The following ACTR3C variants were observed in gnomAD, a reference collection of about 807,000 sequenced individuals.
ACTR3C encodes actin related protein 3C.
Under a neutral mutation model 26.3 loss-of-function variants are expected in ACTR3C, and 18 were observed. The observed-to-expected ratio is 0.68, with a 90% CI of 0.47 to 1.01. ACTR3C has a LOEUF of 1.01. Among genes scored for constraint, ACTR3C ranks in the 50% least tolerant of loss-of-function variants. The pLI is 0.00. For missense variants in ACTR3C, 184 were observed against 250.7 expected, an observed-to-expected ratio of 0.73 and a Z score of 1.80; for synonymous variants, 55 against 94.5, an observed-to-expected ratio of 0.58 and a Z score of 2.42.
At chr7:150,040,798 C>T in the ACTR3C span, 77 of 146,662 alleles carry the variant, frequency 5.3e-4, 6 homozygotes, top group African/African-American at 2.0e-3. Flanking sequence ...CCCCGCCTTG[C>T]GGGGGGTGTC....
At chr7:150,117,025 T>A in the ACTR3C span, among the ~76,000 whole-genome samples, 1 of 152,160 alleles carries the variant, frequency 6.6e-6, no homozygotes, top group Non-Finnish European at 1.5e-5. Context: ...TGAGGGACTG[T>A]GCCATGAGGG....
At chr7:150,003,508 G>C in the ACTR3C span, among the ~76,000 whole-genome samples, 1 of 151,418 alleles carries the variant, frequency 6.6e-6, no homozygotes, top group Non-Finnish European at 1.5e-5. Flanking sequence ...TGTGTGGCAT[G>C]CGGTGTGGTA....
chr7:150,312,742 A>C (rs1796435748), intron 1 of ACTR3C, among the ~76,000 whole-genome samples: 1 of 152,102 alleles, frequency 6.6e-6, no homozygotes, highest in African/African-American at 2.4e-5. Context: ...CCCTACCCCC[A>C]TAATCCCCAG....
At chr7:150,042,173 C>T in the ACTR3C span, among the ~76,000 whole-genome samples, 18 of 24,764 alleles carry the variant, frequency 7.3e-4, 2 homozygotes, top group African/African-American at 3.6e-3. Context: ...CAGTCCCTGC[C>T]TCGCGGGGGG....
chr7:150,299,379 A>T (rs1795216006), intron 1 of ACTR3C, among the ~76,000 whole-genome samples: 1 of 137,618 alleles, frequency 7.3e-6, no homozygotes, highest in Admixed American at 7.9e-5. Context: ...CCAGCCCAGG[A>T]GGTCGAGGCT....
chr7:149,971,986 T>A, the ACTR3C span, among the ~76,000 whole-genome samples: 1 of 152,370 alleles, frequency 6.6e-6, no homozygotes, highest in South Asian at 2.1e-4. Context: ...TTCCTGCTTT[T>A]TCTTCCTAGG....
At chr7:150,147,949 G>C in the ACTR3C span, among the ~76,000 whole-genome samples, 51 of 147,830 alleles carry the variant, frequency 3.4e-4, no homozygotes, top group African/African-American at 1.3e-3. Context: ...TAAAGGATGA[G>C]AACACAGGAC....
the ACTR3C span, among the ~76,000 whole-genome samples, chr7:149,908,495 T>C: frequency 6.6e-6 from 1 of 152,174 alleles, no homozygotes; most frequent in African/African-American, 2.4e-5. Context: ...TCTAGTGATG[T>C]GAATACCCAC....
the ACTR3C span, among the ~76,000 whole-genome samples, chr7:150,233,120 C>A: frequency 6.6e-6 from 1 of 152,020 alleles, no homozygotes. Flanking sequence ...CCGTGAGGAA[C>A]TTCTTTTAAT....
At chr7:150,186,556 A>G in the ACTR3C span, among the ~76,000 whole-genome samples, 137 of 152,250 alleles carry the variant, frequency 9.0e-4, no homozygotes, top group Middle Eastern at 0.01. Flanking sequence ...CTAACTCCCA[A>G]TCCAGATCCT....
At chr7:149,901,622 A>G in the ACTR3C span, among the ~76,000 whole-genome samples, 1 of 152,194 alleles carries the variant, frequency 6.6e-6, no homozygotes, top group African/African-American at 2.4e-5. Context: ...ATTAAACTTA[A>G]TAATAAAGAA....
chr7:149,923,320 T>C, the ACTR3C span, among the ~76,000 whole-genome samples: 24 of 152,108 alleles, frequency 1.6e-4, no homozygotes, highest in Admixed American at 1.4e-3. Context: ...GCTTAAGTCA[T>C]CCAATAAAAG....
the ACTR3C span, among the ~76,000 whole-genome samples, chr7:150,230,531 A>G: frequency 6.6e-6 from 1 of 152,070 alleles, no homozygotes; most frequent in Non-Finnish European, 1.5e-5. Context: ...TCCCCCTCCC[A>G]TCAAATTCTC....
the ACTR3C span, among the ~76,000 whole-genome samples, chr7:150,223,260 A>T: frequency 1.3e-5 from 2 of 152,124 alleles, no homozygotes; most frequent in African/African-American, 4.8e-5. Flanking sequence ...TTCATTTTTT[A>T]TTGTTAAATA....
the ACTR3C span, among the ~76,000 whole-genome samples, chr7:149,918,120 T>C: frequency 6.6e-6 from 1 of 152,152 alleles, no homozygotes; most frequent in Non-Finnish European, 1.5e-5. Context: ...TTTATCCAGA[T>C]CCAGTATCTT....
chr7:150,220,295 T>G, the ACTR3C span, among the ~76,000 whole-genome samples: 2 of 146,592 alleles, frequency 1.4e-5, no homozygotes. Context: ...ACTCCTGCGG[T>G]TTGATTCATG....
the ACTR3C span, among the ~76,000 whole-genome samples, chr7:150,158,665 G>T: frequency 6.6e-6 from 1 of 152,224 alleles, no homozygotes; most frequent in Non-Finnish European, 1.5e-5. Flanking sequence ...GAGGACGGGT[G>T]ATCTTGGTCA....
chr7:150,033,651 G>C, the ACTR3C span, among the ~76,000 whole-genome samples: 278 of 141,340 alleles, frequency 2.0e-3, no homozygotes, highest in South Asian at 3.6e-3. Flanking sequence ...GGAAAAGGGA[G>C]TGGCTCTCAG....
At chr7:150,121,939 T>C in the ACTR3C span, among the ~76,000 whole-genome samples, 3 of 152,030 alleles carry the variant, frequency 2.0e-5, no homozygotes, top group Non-Finnish European at 4.4e-5. Context: ...ACTACAACCA[T>C]CTGATCTTTG....
Sources: gnomAD v4.1 joint callset for allele counts (sites outside exome capture counted in the v4.1 genomes callset) on GRCh38, gnomAD v4.1.1 for gene constraint, MANE v1.5 for transcripts, NCBI Gene and HGNC (gene_info 2026-07-23, HGNC 2026-07-21) for gene names.